Variants in CHD2 observed in about 807,000 individuals in gnomAD.
CHD2 encodes the protein ATP-dependent chromatin remodeler CHD2.
CHD2 carries 28 observed loss-of-function variants against 243.9 expected under a neutral mutation model. The ratio of observed to expected loss-of-function variants is 0.11; its 90% CI spans 0.09 to 0.16. The LOEUF is 0.16. Among genes scored for constraint, CHD2 ranks in the 10% least tolerant of loss-of-function variants. CHD2 has a pLI of 1.00. For synonymous variants in CHD2, 775 were observed against 779.0 expected, an observed-to-expected ratio of 0.99 and a Z score of 0.09; for missense variants, 1,386 against 2,209.8, an observed-to-expected ratio of 0.63 and a Z score of 7.47.
chr15:92,983,097 G>T (rs994726431), intron 24 of CHD2, among the ~76,000 whole-genome samples: 5 of 152,148 alleles, frequency 3.3e-5, no homozygotes, highest in African/African-American at 1.2e-4. Context: ...TATAAGGGCA[G>T]TAATCCTATT....
chr15:93,008,388 T>C (rs1014241890), intron 34 of CHD2, among the ~76,000 whole-genome samples: 5 of 152,248 alleles, frequency 3.3e-5, no homozygotes, highest in Non-Finnish European at 5.9e-5. Flanking sequence ...GGGTATCTTA[T>C]GAATCTGGAT....
chr15:93,013,746 C>G (rs4778067), intron 36 of CHD2, among the ~76,000 whole-genome samples: 25,885 of 151,694 alleles, frequency 0.17, 2,929 homozygotes, highest in Non-Finnish European at 0.25. Flanking sequence ...ACCAGCCTGG[C>G]CAACGTGATG....
chr15:92,901,278 C>T lies in CHD2; in HGVS notation c.41C>T (p.Ser14Leu). The part of the protein sequence containing the change: ...NKDKSQEEDS[S>L]LHSNASSHSA... ...GACAAAAGCCAAGAGGAGGACAGTT[C>T]GCTACACAGCAATGCATCGAGGTAT... The change falls in exon 2 of 39, where the codon TCG becomes TTG. Residue 14 changes from serine (S) to leucine (L), a missense_variant. Coordinates refer to ENST00000394196, the MANE Select transcript of CHD2 (RefSeq NM_001271.4). 6.2e-7 allele frequency: 1 copy of T among 1,607,454 alleles called. No homozygotes were observed. Among genetic ancestry groups the T allele is most frequent in the Non-Finnish European group, 8.5e-7 (1 of 1,174,580 alleles).
chr15:92,980,864 G>A lies in CHD2; in HGVS notation c.2926G>A (p.Ala976Thr). The A allele has an allele frequency of 4.3e-6, 7 of 1,613,766 alleles. No individual in the cohort carries two copies. The highest frequency in any genetic ancestry group is 5.1e-6 in the Non-Finnish European group (6 of 1,179,800). ...EELTAILKFG[A>T]EDLFKELEGE... ...GCTGACAGCTATTTTGAAATTTGGA[G>A]CAGAGGATCTCTTCAAAGAACTGGA... Residue 976 changes from alanine to threonine, a missense_variant, in exon 23 of 39, where the codon GCA (alanine) becomes ACA (threonine). By Grantham distance (58) the Ala-to-Thr change is moderately conservative (BLOSUM62 0). Around this residue, in one of 19 missense-constraint regions of CHD2, gnomAD observed 99 missense variants for 206.4 expected, o/e 0.48. Transcript: ENST00000394196.
chr15:92,916,288 A>T (rs1343108112), intron 2 of CHD2, among the ~76,000 whole-genome samples: 1 of 152,218 alleles, frequency 6.6e-6, no homozygotes, highest in Non-Finnish European at 1.5e-5. Flanking sequence ...AACCTTGGCA[A>T]AATAAACTTT....
chr15:92,978,466 T>C (rs564849600), intron 21 of CHD2, 83 bp downstream of exon 21: 2 of 1,414,496 alleles, frequency 1.4e-6, no homozygotes, highest in African/African-American at 1.4e-5. Context: ...GTTAATAAAA[T>C]GCTTTTTCCC....
intron 16 of CHD2, among the ~76,000 whole-genome samples, chr15:92,962,902 ATGATAT>A (rs1479735502): frequency 2.0e-5 from 3 of 152,136 alleles, no homozygotes; most frequent in Non-Finnish European, 2.9e-5. Context: ...TTGACCTCTA[ATGATAT>A]TTATTGTTTT....
intron 37 of CHD2, 141 bp downstream of exon 37, chr15:93,015,050 G>A (rs957966595): frequency 4.3e-6 from 3 of 702,710 alleles, no homozygotes; most frequent in Non-Finnish European, 7.1e-6. Context: ...TTCTTAATGA[G>A]AGAAAGCATG....
At chr15:92,981,746 C>T (rs1596433119) in intron 24 of CHD2, among the ~76,000 whole-genome samples, 3 of 152,012 alleles carry the variant, frequency 2.0e-5, no homozygotes, top group South Asian at 4.2e-4. Context: ...AGAACCAGGA[C>T]GTGTGGAGCA....
intron 2 of CHD2, among the ~76,000 whole-genome samples, chr15:92,909,527 G>A (rs2052688659): frequency 6.6e-6 from 1 of 152,204 alleles, no homozygotes; most frequent in Admixed American, 6.5e-5. Context: ...GATTACAGGT[G>A]TGAACCATCA....
intron 2 of CHD2, 31 bp downstream of exon 2, chr15:92,901,330 C>A: frequency 7.0e-7 from 1 of 1,422,654 alleles, no homozygotes; most frequent in Non-Finnish European, 9.8e-7. Context: ...TCCTTTTTGT[C>A]TTTTTTTTTG....
At position 93,000,635 on chromosome 15, in the gene CHD2, G is replaced by A. The variant is rs2054242609; in HGVS notation, c.4132G>A (p.Val1378Met). ...AGATAATCCATCAGAAGAGGGAGAA[G>A]TGAAAGTATGAAGTGGGGTTTCGGT... ...HSDNPSEEGE[V>M]KDDGLEKSPM... is the part of the protein sequence containing the mutation. Residue 1378 changes from valine (V) to methionine (M), a missense_variant, in exon 32 of 39, where the codon GTG (valine) becomes ATG (methionine). Val to Met is a conservative substitution (Grantham distance 21). Transcript: ENST00000394196. 2.5e-6 allele frequency: 4 copies of A among 1,610,672 alleles called. No individual in the cohort carries two copies. Among genetic ancestry groups the A allele is most frequent in the Non-Finnish European group, 3.4e-6 (4 of 1,178,456 alleles).
At position 92,901,276 on chromosome 15, in the gene CHD2, T is replaced by C; in HGVS notation, c.39T>C (p.Ser13=). ...AGGACAAAAGCCAAGAGGAGGACAG[T>C]TCGCTACACAGCAATGCATCGAGGT... The part of the protein sequence containing the change: ...RNKDKSQEED[S]SLHSNASSHS... Residue 13 remains serine (S), a synonymous_variant, in exon 2 of 39, where the codon AGT becomes AGC. Coordinates refer to ENST00000394196, the MANE Select transcript of CHD2 (RefSeq NM_001271.4). The C allele has an allele frequency of 6.2e-7, 1 of 1,608,618 alleles. No individual in the cohort carries two copies. The highest frequency in any genetic ancestry group is 8.5e-7 in the Non-Finnish European group (1 of 1,175,456).
rs374271060 is a variant in CHD2 at position 93,024,553 on chromosome 15, C to G, written c.5335C>G (p.Pro1779Ala). Residue 1779 changes from proline to alanine, a missense_variant, in exon 39 of 39, where the codon CCA (proline) becomes GCA (alanine). By Grantham distance (27) the Pro-to-Ala change is conservative. Coordinates refer to ENST00000394196, the MANE Select transcript of CHD2 (RefSeq NM_001271.4). ...KLGEYKQPLP[P>A]LHPAVSDPRS... Reference sequence around the variant, plus strand: ...GGGGGAATATAAACAGCCTCTACCCCCATTGCACCCTGCAGTCTCAGATCC... The same window carrying G: ...GGGGGAATATAAACAGCCTCTACCCGCATTGCACCCTGCAGTCTCAGATCC... 1.5e-5 allele frequency: 25 copies of G among 1,614,204 alleles called. No individual in the cohort carries two copies. The highest frequency in any genetic ancestry group is 1.3e-4 in the South Asian group (12 of 91,076).
At chr15:92,929,473 ATTAT>A (rs1203806148) in intron 5 of CHD2, among the ~76,000 whole-genome samples, 19 of 152,160 alleles carry the variant, frequency 1.2e-4, no homozygotes, top group South Asian at 6.2e-4. Flanking sequence ...TTATGGCAAA[ATTAT>A]ATTGGCTGAA....
intron 2 of CHD2, among the ~76,000 whole-genome samples, chr15:92,908,600 G>A (rs1481989420): frequency 5.3e-5 from 8 of 152,140 alleles, no homozygotes; most frequent in Non-Finnish European, 1.2e-4. Flanking sequence ...CAGTATCTCC[G>A]TGTGTTTTCA....
Position 92,957,170 on chromosome 15 carries a change from A to G in CHD2, c.2000+521A>G, listed in dbSNP as rs540971412. ...CAGCGATACTTAGAATAACATCTAT[A>G]TTCATTAATTTGGAGGACTCCACTC... On this transcript the variant is annotated intron_variant, in intron 16 of 38. Transcript: ENST00000394196. Among the ~76,000 whole-genome samples, 11 of 152,342 alleles carry G rather than the reference A, an allele frequency of 7.2e-5. 1 individual carries two copies. Among genetic ancestry groups the G allele is most frequent in the African/African-American group, 2.6e-4 (11 of 41,580 alleles).
In CHD2 at chr15:93,009,646, T is replaced by C. The variant is rs898031334; in HGVS notation, c.4592+323T>C. Among the ~76,000 whole-genome samples, 4 of 152,254 alleles carry C rather than the reference T, an allele frequency of 2.6e-5. 1 individual carries two copies. The highest frequency in any genetic ancestry group is 2.6e-4 in the Admixed American group (4 of 15,282). ...AAAAATCATCTGGTCTTAACTACTT[T>C]ACCCATCTCAGGTTGATATCCAGAT... On this transcript the variant is annotated intron_variant, in intron 35 of 38. Transcript: ENST00000394196.
At chr15:93,010,050 A>G (rs1178373081) in intron 35 of CHD2, among the ~76,000 whole-genome samples, 2 of 152,192 alleles carry the variant, frequency 1.3e-5, no homozygotes, top group South Asian at 2.1e-4. Flanking sequence ...AGAGTCCGTT[A>G]TATCATTTTT....
Sources: allele counts gnomAD v4.1 joint callset (sites outside exome capture counted in the v4.1 genomes callset), GRCh38; gene constraint gnomAD v4.1.1; regional missense constraint gnomAD v4.1.1; transcripts MANE v1.5; gene names NCBI Gene and HGNC (gene_info 2026-07-23, HGNC 2026-07-21).